The following TRAPPC8 variants were observed in gnomAD, a reference collection of about 807,000 sequenced individuals.
The protein encoded by TRAPPC8 is general sporulation gene 1 homolog.
Under a neutral mutation model 174.3 loss-of-function variants are expected in TRAPPC8, and 54 were observed. The observed-to-expected ratio is 0.31, with a 90% CI of 0.25 to 0.39. The LOEUF (loss-of-function observed/expected upper bound fraction) is 0.39, where lower values mean the gene tolerates loss of function less well. Among genes scored for constraint, TRAPPC8 ranks in the 10% least tolerant of loss-of-function variants. TRAPPC8 has a pLI of 1.00. For synonymous variants in TRAPPC8, 630 were observed against 579.9 expected (o/e 1.09, Z -1.24); for missense variants, 1,531 against 1,699.1 (o/e 0.90, Z 1.74).
chr18:31,937,086 C>T (rs1198193503), intron 1 of TRAPPC8, among the ~76,000 whole-genome samples: 7 of 150,250 alleles, frequency 4.7e-5, no homozygotes, highest in East Asian at 4.0e-4. Context: ...TGGTGGTGGG[C>T]GCCTATAGTC....
intron 1 of TRAPPC8, among the ~76,000 whole-genome samples, chr18:31,941,429 G>A (rs867422372): frequency 1.3e-5 from 2 of 152,098 alleles, no homozygotes; most frequent in South Asian, 4.1e-4. Context: ...GGCAACAAGA[G>A]CGAAACTCCA....
At position 31,874,693 on chromosome 18, in the gene TRAPPC8, A is replaced by G; in HGVS notation, c.1740T>C (p.Ala580=). The part of the protein sequence containing the change: ...RFSKAGQKKH[A]LRCYCQAMQV... ...GCATGGCTTGACAATAACAGCGTAA[A>G]GCATGCTTTTTCTGTAAGAAAATAA... The change falls in exon 13 of 29, where the codon GCT becomes GCC. Residue 580 remains alanine, a synonymous_variant. Transcript: ENST00000283351. 12 of 1,610,932 alleles carry G rather than the reference A, an allele frequency of 7.4e-6. No individual in the cohort carries two copies. The highest frequency in any genetic ancestry group is 1.0e-5 in the Non-Finnish European group (12 of 1,179,148).
At chr18:31,861,442 T>G (rs891575132) in intron 19 of TRAPPC8, among the ~76,000 whole-genome samples, 1 of 152,214 alleles carries the variant, frequency 6.6e-6, no homozygotes, top group Non-Finnish European at 1.5e-5. Context: ...TCCAAGAAGA[T>G]ATCTGGTTTA....
chr18:31,834,944 C>T (rs576614698), intron 27 of TRAPPC8, among the ~76,000 whole-genome samples: 2 of 152,190 alleles, frequency 1.3e-5, no homozygotes. Context: ...CTATCTTTAA[C>T]TGTATTGTCC....
intron 26 of TRAPPC8, among the ~76,000 whole-genome samples, chr18:31,842,651 C>G (rs2033171991): frequency 6.6e-6 from 1 of 152,176 alleles, no homozygotes; most frequent in African/African-American, 2.4e-5. Flanking sequence ...ACAGGATGAG[C>G]AGCCCAAATC....
In TRAPPC8 at chr18:31,942,651, G is replaced by A. The variant is rs770555900; in HGVS notation, c.114C>T (p.Ser38=). Residue 38 remains serine, a synonymous_variant, in exon 1 of 29, where the codon AGC becomes AGT. Transcript: ENST00000283351. ...AGAAGGGCTTAAGCAGCTCCGCGAA[G>A]CTGAGGTGATTGAGACGAGTGAGCC... ...AERLTRLNHL[S]FAELLKPFSR... 4 of 1,611,648 alleles carry A rather than the reference G, an allele frequency of 2.5e-6. No individual in the cohort carries two copies. The South Asian group carries it at 3.3e-5, about 13-fold the overall frequency.
chr18:31,860,262 T>C (rs760738386), intron 19 of TRAPPC8, among the ~76,000 whole-genome samples: 6 of 152,172 alleles, frequency 3.9e-5, no homozygotes, highest in Admixed American at 6.5e-5. Flanking sequence ...AATGGTCTAG[T>C]TGAATGATAC....
rs1457668123 is a variant in TRAPPC8 at position 31,847,655 on chromosome 18, G to T, written c.3736-838C>A. Among the ~76,000 whole-genome samples, 3 of 152,274 alleles carry T rather than the reference G, an allele frequency of 2.0e-5. No homozygotes were observed. In the South Asian group the frequency reaches 6.2e-4, roughly 32 times the overall value. On this transcript the variant is annotated intron_variant, in intron 25 of 28. Coordinates refer to ENST00000283351, the MANE Select transcript of TRAPPC8 (RefSeq NM_014939.5). ...TAAGGCATAGGATGGCTCAGGACCT[G>T]TTCAGCGTCTATATTTGCAAAACCC... is the stretch of plus-strand genomic sequence containing the variant.
intron 27 of TRAPPC8, among the ~76,000 whole-genome samples, chr18:31,836,533 A>G (rs1267804260): frequency 6.6e-6 from 1 of 152,218 alleles, no homozygotes; most frequent in Non-Finnish European, 1.5e-5. Context: ...GGGTTTAATA[A>G]ACAGAGCTGA....
Position 31,917,680 on chromosome 18 carries a change from A to G in TRAPPC8, c.353-13T>C. On this transcript the variant is annotated splice_polypyrimidine_tract_variant and intron_variant, in intron 2 of 28. Transcript: ENST00000283351. ...CATGGAGTAGTGGCTAAAATTAACA[A>G]TATACAAAACAGTTAAAAGTATTCA... 6.2e-7 allele frequency: 1 copy of G among 1,605,288 alleles called. No individual in the cohort carries two copies. Among genetic ancestry groups the G allele is most frequent in the Non-Finnish European group, 8.5e-7 (1 of 1,173,214 alleles).
At chr18:31,885,866 A>G (rs536458397) in intron 12 of TRAPPC8, among the ~76,000 whole-genome samples, 58 of 151,564 alleles carry the variant, frequency 3.8e-4, no homozygotes, top group Non-Finnish European at 7.9e-4. Flanking sequence ...ATCTCAAAAA[A>G]ACGAAAAATA....
intron 9 of TRAPPC8, among the ~76,000 whole-genome samples, chr18:31,906,281 G>T (rs1379392771): frequency 6.8e-6 from 1 of 147,346 alleles, no homozygotes; most frequent in African/African-American, 2.5e-5. Flanking sequence ...GGAGGTTGCC[G>T]TGAGCTGAAA....
chr18:31,845,790 T>A (rs1598596027), intron 26 of TRAPPC8, among the ~76,000 whole-genome samples: 1 of 152,162 alleles, frequency 6.6e-6, no homozygotes, highest in East Asian at 1.9e-4. Context: ...ATAAAAAAAA[T>A]AGTAATAATG....
chr18:31,858,268 G>A (rs1306849994), intron 19 of TRAPPC8, among the ~76,000 whole-genome samples: 1 of 152,144 alleles, frequency 6.6e-6, no homozygotes, highest in Non-Finnish European at 1.5e-5. Flanking sequence ...CAACTTGGTA[G>A]ATTATGGACC....
At position 31,873,469 on chromosome 18, in the gene TRAPPC8, T is replaced by C. The variant is rs774108230; in HGVS notation, c.2023A>G (p.Thr675Ala). ...CTGTCATGGCCAAAAAAAACCCGTG[T>C]TGCTGAACTGTTAATATACGGTAAA... The part of the protein sequence containing the change: ...LPLPYINSSA[T>A]RVFFGHDRRP... Residue 675 changes from threonine to alanine, a missense_variant, in exon 14 of 29, where the codon ACA (threonine) becomes GCA (alanine). Physicochemically the swap from Thr to Ala is moderately conservative, Grantham distance 58. Transcript: ENST00000283351. 1.2e-6 allele frequency: 2 copies of C among 1,613,814 alleles called. No individual in the cohort carries two copies. The highest frequency in any genetic ancestry group is 1.7e-6 in the Non-Finnish European group (2 of 1,179,810).
intron 11 of TRAPPC8, among the ~76,000 whole-genome samples, chr18:31,893,026 G>A (rs7231505): frequency 0.41 from 56,011 of 135,702 alleles, 11,572 homozygotes; most frequent in African/African-American, 0.54. Flanking sequence ...CAAAAAAAGG[G>A]AAAAAAAAAA....
intron 11 of TRAPPC8, 179 bp from the exon 12 acceptor site, chr18:31,891,045 C>T: frequency 2.6e-6 from 1 of 387,724 alleles, no homozygotes; most frequent in South Asian, 5.6e-5. Flanking sequence ...ACACAAAATT[C>T]TTTTAAGCTT....
At chr18:31,926,143 G>A (rs1279988915) in intron 2 of TRAPPC8, among the ~76,000 whole-genome samples, 1 of 152,060 alleles carries the variant, frequency 6.6e-6, no homozygotes, top group Non-Finnish European at 1.5e-5. Flanking sequence ...GTGTTTTACA[G>A]CTTTTTTCTA....
In TRAPPC8 at chr18:31,943,015, T is replaced by G; in HGVS notation, c.-251A>C. On this transcript the variant is annotated 5_prime_UTR_variant, in exon 1 of 29. Coordinates refer to ENST00000283351, the MANE Select transcript of TRAPPC8 (RefSeq NM_014939.5). ...CCCGCGTGCTCGCATTCCACCCCGA[T>G]AGGTGGAGACGCCGACAGTCACCAC... is the stretch of plus-strand genomic sequence containing the variant. The G allele has an allele frequency of 3.0e-6, 2 of 657,094 alleles. No individual in the cohort carries two copies. Among genetic ancestry groups the G allele is most frequent in the Non-Finnish European group, 4.3e-6 (2 of 461,260 alleles). 40.7% of individuals were successfully genotyped at this position (657,094 alleles called of 1,614,324 possible).
Sources: gnomAD v4.1 joint callset for allele counts (sites outside exome capture counted in the v4.1 genomes callset) on GRCh38, gnomAD v4.1.1 for gene constraint, MANE v1.5 for transcripts, NCBI Gene and HGNC (gene_info 2026-07-23, HGNC 2026-07-21) for gene names.